TBCA: variants seen among roughly 807,000 people sequenced by gnomAD.
The protein encoded by TBCA is tubulin folding cofactor A.
Under a neutral mutation model 15.8 loss-of-function variants are expected in TBCA, and 6 were observed. That is an observed-to-expected ratio of 0.38 (90% CI 0.21 to 0.75). The LOEUF (loss-of-function observed/expected upper bound fraction) is 0.75, where lower values mean the gene tolerates loss of function less well. TBCA is among the 30% of genes least tolerant of loss of function. The pLI, the probability that TBCA is intolerant of heterozygous loss-of-function variation, is 0.46. For synonymous variants in TBCA, 32 were observed against 42.3 expected, an observed-to-expected ratio of 0.76 and a Z score of 0.94; for missense variants, 90 against 131.2, an observed-to-expected ratio of 0.69 and a Z score of 1.53.
rs199806074 is a variant in TBCA at position 77,748,169 on chromosome 5, G to GA, written c.53+28035dup. On this transcript the variant is annotated intron_variant, in intron 1 of 3. Transcript: ENST00000380377. ...GAAGTTCACTGAACCTAGTTTCAAG[G>GA]ACTAAATGTTAAATAAAATCTAAGA... Among the ~76,000 whole-genome samples, 837 of 152,218 alleles carry GA rather than the reference G, an allele frequency of 5.5e-3. 2 individuals carry two copies. Among genetic ancestry groups the GA allele is most frequent in the African/African-American group, 0.019 (784 of 41,534 alleles).
chr5:77,716,586 A>T (rs1746403555), intron 1 of TBCA, among the ~76,000 whole-genome samples: 1 of 152,216 alleles, frequency 6.6e-6, no homozygotes, highest in African/African-American at 2.4e-5. Context: ...CCAAACAGGT[A>T]CTAGTATTAT....
chr5:77,710,089 T>C (rs1016559924), intron 1 of TBCA, among the ~76,000 whole-genome samples: 1 of 152,210 alleles, frequency 6.6e-6, no homozygotes, highest in Non-Finnish European at 1.5e-5. Flanking sequence ...ATTGTGGTGA[T>C]AGTTGCACAA....
chr5:77,766,541 G>A lies in TBCA; in HGVS notation c.53+9664C>T, dbSNP rs1473417980. 1.5e-4 allele frequency among the ~76,000 whole-genome samples: 3 copies of A among 20,424 alleles called. 1 individual carries two copies. Among genetic ancestry groups the A allele is most frequent in the Non-Finnish European group, 3.0e-4 (3 of 9,930 alleles). 13.4% of individuals were successfully genotyped at this position (20,424 alleles called of 152,430 possible). A position where few individuals can be genotyped will look rare whatever the true frequency, so the allele number is the denominator to read the frequency against. On this transcript the variant is annotated intron_variant, in intron 1 of 3. Transcript: ENST00000380377. ...TTTTTTTTTTTTGAGACGGAGTCTCGTTCTGTCGCCCAGGCGGGAGTGCTG... is the reference window on the plus strand; with the variant it reads ...TTTTTTTTTTTTGAGACGGAGTCTCATTCTGTCGCCCAGGCGGGAGTGCTG...
intron 1 of TBCA, among the ~76,000 whole-genome samples, chr5:77,775,605 G>T (rs771194614): frequency 6.6e-6 from 1 of 152,180 alleles, no homozygotes; most frequent in African/African-American, 2.4e-5. Context: ...CAGCCTCTGG[G>T]GCGAGCTTCG....
chr5:77,768,323 A>G (rs1394712468), intron 1 of TBCA, among the ~76,000 whole-genome samples: 1 of 152,216 alleles, frequency 6.6e-6, no homozygotes, highest in Non-Finnish European at 1.5e-5. Context: ...ATACAAAAAA[A>G]ACAGGTACTT....
chr5:77,767,441 T>C (rs1022916183), intron 1 of TBCA, among the ~76,000 whole-genome samples: 1 of 152,222 alleles, frequency 6.6e-6, no homozygotes, highest in African/African-American at 2.4e-5. Context: ...CTTGTAATCA[T>C]TGTGTGAATC....
intron 1 of TBCA, among the ~76,000 whole-genome samples, chr5:77,751,405 C>T (rs1026221331): frequency 1.7e-4 from 26 of 151,932 alleles, no homozygotes; most frequent in Admixed American, 1.4e-3. Context: ...TCTCGAAATC[C>T]TGACCTCAGG....
chr5:77,701,883 T>G (rs1379247944), intron 2 of TBCA, among the ~76,000 whole-genome samples: 5 of 151,714 alleles, frequency 3.3e-5, no homozygotes. Context: ...TAATGGCATT[T>G]GCAGCAAGTT....
intron 1 of TBCA, among the ~76,000 whole-genome samples, chr5:77,751,554 G>A (rs2112493850): frequency 6.6e-6 from 1 of 152,008 alleles, no homozygotes; most frequent in South Asian, 2.1e-4. Flanking sequence ...GGGGGTGGGG[G>A]AGGGTTCCAA....
At chr5:77,769,965 T>C (rs943424064) in intron 1 of TBCA, among the ~76,000 whole-genome samples, 3 of 152,206 alleles carry the variant, frequency 2.0e-5, no homozygotes, top group Admixed American at 6.5e-5. Flanking sequence ...AAAATGGTTA[T>C]AAAAAGATAT....
rs79197180 is a variant in TBCA, at chr5:77,767,335, A to T, written c.53+8870T>A. On this transcript the variant is annotated intron_variant, in intron 1 of 3. Coordinates refer to ENST00000380377, the MANE Select transcript of TBCA (RefSeq NM_004607.3). The stretch of plus-strand genomic sequence containing the variant: ...CAGAACTCCGTAACTTACTTGTGGA[A>T]GTGAAAGGATCTCAACAACAACAGA... Among the ~76,000 whole-genome samples the T allele has an allele frequency of 3.9e-3, 587 of 152,316 alleles. 4 individuals are homozygous for T. The highest frequency in any genetic ancestry group is 0.012 in the African/African-American group (496 of 41,560).
chr5:77,764,553 T>A (rs1024340430), intron 1 of TBCA, among the ~76,000 whole-genome samples: 1 of 152,198 alleles, frequency 6.6e-6, no homozygotes, highest in African/African-American at 2.4e-5. Context: ...AAAAAGTTTA[T>A]AGCAATATTC....
chr5:77,732,896 A>G (rs1011188277), intron 1 of TBCA, among the ~76,000 whole-genome samples: 2 of 152,152 alleles, frequency 1.3e-5, no homozygotes, highest in Non-Finnish European at 2.9e-5. Context: ...CTGAGACACA[A>G]TATTAAAATC....
chr5:77,740,730 A>C (rs890534624), intron 1 of TBCA, among the ~76,000 whole-genome samples: 2 of 152,192 alleles, frequency 1.3e-5, no homozygotes, highest in African/African-American at 4.8e-5. Context: ...CATATTGATA[A>C]CTGAGGTCAT....
chr5:77,735,128 C>A (rs1207291517), intron 1 of TBCA, among the ~76,000 whole-genome samples: 1 of 152,072 alleles, frequency 6.6e-6, no homozygotes, highest in Non-Finnish European at 1.5e-5. Flanking sequence ...TGGAACTGAA[C>A]CAGCGATATC....
chr5:77,770,730 A>C (rs1383180332), intron 1 of TBCA, among the ~76,000 whole-genome samples: 1 of 142,954 alleles, frequency 7.0e-6, no homozygotes, highest in Non-Finnish European at 1.5e-5. Flanking sequence ...CCAAATCTTA[A>C]AAAAAAAAGA....
chr5:77,747,773 C>T (rs1310162386), intron 1 of TBCA, among the ~76,000 whole-genome samples: 5 of 152,108 alleles, frequency 3.3e-5, no homozygotes, highest in Non-Finnish European at 7.4e-5. Context: ...GTGTTTGAAA[C>T]ATGAAGTACA....
At chr5:77,697,539 A>C (rs1375605274) in intron 2 of TBCA, among the ~76,000 whole-genome samples, 1 of 152,148 alleles carries the variant, frequency 6.6e-6, no homozygotes, top group Non-Finnish European at 1.5e-5. Flanking sequence ...GCCAAAAAAA[A>C]GTCTCAAATA....
chr5:77,718,884 C>T (rs1746466840), intron 1 of TBCA, among the ~76,000 whole-genome samples: 2 of 152,172 alleles, frequency 1.3e-5, no homozygotes, highest in South Asian at 4.1e-4. Context: ...AATAAATGTC[C>T]TGTCTTCCAG....
Sources: allele counts gnomAD v4.1 joint callset (sites outside exome capture counted in the v4.1 genomes callset), GRCh38; gene constraint gnomAD v4.1.1; transcripts MANE v1.5; gene names NCBI Gene and HGNC (gene_info 2026-07-23, HGNC 2026-07-21).